The following ARHGAP39 variants were observed in gnomAD, a reference collection of about 807,000 sequenced individuals.
ARHGAP39 encodes Rho GTPase activating protein 39.
A neutral mutation model predicts 106.9 loss-of-function variants in ARHGAP39; 44 were observed. The observed-to-expected ratio is 0.41, with a 90% CI of 0.32 to 0.53. The LOEUF is 0.53. Among genes scored for constraint, ARHGAP39 ranks in the 20% least tolerant of loss-of-function variants. The probability of loss-of-function intolerance (pLI) is 0.21; values close to 1 mark genes in which losing one functional copy is unlikely to be tolerated. For missense variants in ARHGAP39, 1,496 were observed against 1,577.3 expected (o/e 0.95, Z 0.87); for synonymous variants, 768 against 693.2 (o/e 1.11, Z -1.69).
intron 7 of ARHGAP39, among the ~76,000 whole-genome samples, chr8:144,535,237 A>G (rs936717851): frequency 1.3e-5 from 2 of 152,194 alleles, no homozygotes; most frequent in Non-Finnish European, 2.9e-5. Flanking sequence ...AAAAAAGTGC[A>G]CACGTGTCTT....
At chr8:144,668,557 T>G (rs1270467764) in intron 1 of ARHGAP39, among the ~76,000 whole-genome samples, 2 of 152,094 alleles carry the variant, frequency 1.3e-5, no homozygotes, top group Non-Finnish European at 2.9e-5. Context: ...ACAATTCCAT[T>G]TAGAATAACA....
rs1322899880 is a variant in ARHGAP39, at chr8:144,529,205, C to T, written c.*1217G>A. 4 of 310,456 alleles carry T rather than the reference C, an allele frequency of 1.3e-5. No individual in the cohort carries two copies. In the South Asian group the frequency reaches 2.8e-4, roughly 22 times the overall value. The allele number at this position is 310,456 out of a possible 1,614,324, so 19.2% of individuals were successfully genotyped here. On this transcript the variant is annotated 3_prime_UTR_variant, in exon 12 of 12. Coordinates refer to ENST00000377307, the MANE Select transcript of ARHGAP39 (RefSeq NM_025251.3). Reference sequence around the variant, plus strand: ...AGGGTCCATGTGCACTTTATTCACTCGTGTCGTCGCCTCTCGGGTCCATGC... The same window carrying T: ...AGGGTCCATGTGCACTTTATTCACTTGTGTCGTCGCCTCTCGGGTCCATGC...
intron 4 of ARHGAP39, among the ~76,000 whole-genome samples, chr8:144,552,582 T>TG (rs1169272074): frequency 7.9e-5 from 12 of 152,228 alleles, no homozygotes; most frequent in Admixed American, 6.5e-5. Flanking sequence ...GGCCTGACCC[T>TG]GCCAGGCTGC....
chr8:144,591,429 C>A lies in ARHGAP39; in HGVS notation c.81-10152G>T, dbSNP rs1819390415. ...GGGGGACCAAAGGTAGCAGGGCCAC[C>A]GTGAAGGGCCTGAGGCCTGGGCTGA... On this transcript the variant is annotated intron_variant, in intron 2 of 11. Transcript: ENST00000377307. This position sits in a 1 kb window ranked among gnomAD's most constrained non-coding sequence, Gnocchi z 5.3. Among the ~76,000 whole-genome samples the A allele has an allele frequency of 2.6e-5, 4 of 152,272 alleles. No homozygotes were observed. Among genetic ancestry groups the A allele is most frequent in the Admixed American group, 2.6e-4 (4 of 15,304 alleles).
intron 1 of ARHGAP39, among the ~76,000 whole-genome samples, chr8:144,685,380 C>T (rs1331324168): frequency 1.3e-5 from 2 of 151,688 alleles, no homozygotes; most frequent in African/African-American, 4.8e-5. Context: ...GGGCCGGGCA[C>T]ACGCGAACTC....
At chr8:144,551,544 G>A (rs1817690649) in intron 4 of ARHGAP39, among the ~76,000 whole-genome samples, 1 of 152,192 alleles carries the variant, frequency 6.6e-6, no homozygotes, top group East Asian at 1.9e-4. Flanking sequence ...CACAGATACA[G>A]TGGCAGCTAG....
In ARHGAP39 at chr8:144,670,175, C is replaced by T. The variant is rs1450937992; in HGVS notation, c.-82+15511G>A. 6.6e-6 allele frequency among the ~76,000 whole-genome samples: 1 copy of T among 152,026 alleles called. No individual in the cohort carries two copies. Among genetic ancestry groups the T allele is most frequent in the South Asian group, 2.1e-4 (1 of 4,806 alleles). ...CGGGAAGCAGGATCAGGGCCTGGGA[C>T]CAGGCGGCTGTAAAAAGCAACAGAG... On this transcript the variant is annotated intron_variant, in intron 1 of 11. Transcript: ENST00000377307. This position sits in a 1 kb window ranked among gnomAD's most constrained non-coding sequence, Gnocchi z 4.4.
intron 1 of ARHGAP39, among the ~76,000 whole-genome samples, chr8:144,627,644 G>C (rs1383797990): frequency 6.6e-6 from 1 of 151,894 alleles, no homozygotes; most frequent in Non-Finnish European, 1.5e-5. Flanking sequence ...CTTGGTCCCA[G>C]CACTTTGGGA....
rs560407501 is a variant in ARHGAP39 at position 144,601,622 on chromosome 8, G to C, written c.80+3913C>G. On this transcript the variant is annotated intron_variant, in intron 2 of 11. Coordinates refer to ENST00000377307, the MANE Select transcript of ARHGAP39 (RefSeq NM_025251.3). ...CGAGCTCATGTATCTGTGTGTGCAT[G>C]GAGGCGTGCATGTGTGCTCGTGTAC... is the stretch of plus-strand genomic sequence containing the variant. Among the ~76,000 whole-genome samples, 92 of 145,226 alleles carry C rather than the reference G, an allele frequency of 6.3e-4. 1 individual carries two copies. In the South Asian group the frequency reaches 0.021, roughly 32 times the overall value.
chr8:144,664,849 G>A (rs1418068926), intron 1 of ARHGAP39, among the ~76,000 whole-genome samples: 1 of 152,178 alleles, frequency 6.6e-6, no homozygotes, highest in African/African-American at 2.4e-5. Flanking sequence ...CTGGCAGCAT[G>A]AAAATGGACT....
chr8:144,595,531 T>C (rs775741223), intron 2 of ARHGAP39, among the ~76,000 whole-genome samples: 5 of 152,116 alleles, frequency 3.3e-5, no homozygotes, highest in African/African-American at 4.8e-5. Context: ...AGGGTGAGCT[T>C]TGTGGCATGT....
chr8:144,652,218 C>T (rs1470307608), intron 1 of ARHGAP39, among the ~76,000 whole-genome samples: 1 of 150,530 alleles, frequency 6.6e-6, no homozygotes, highest in African/African-American at 2.4e-5. Flanking sequence ...GACCCCGTCT[C>T]AAAAATAAAT....
At chr8:144,661,635 C>G (rs1253090785) in intron 1 of ARHGAP39, among the ~76,000 whole-genome samples, 1 of 152,162 alleles carries the variant, frequency 6.6e-6, no homozygotes, top group East Asian at 1.9e-4. Context: ...ATCTGCCCGC[C>G]TCAGCCTCCC....
chr8:144,619,727 C>T (rs2976602), intron 1 of ARHGAP39, among the ~76,000 whole-genome samples: 57,076 of 146,872 alleles, frequency 0.39, 12,120 homozygotes, highest in South Asian at 0.48. Context: ...CATATGTGTC[C>T]GTGTGCGTGT....
At position 144,547,811 on chromosome 8, in the gene ARHGAP39, A is replaced by G; in HGVS notation, c.1275T>C (p.Gly425=). The G allele has an allele frequency of 6.3e-7, 1 of 1,592,172 alleles. No individual in the cohort carries two copies. Among genetic ancestry groups the G allele is most frequent in the East Asian group, 2.3e-5 (1 of 44,082 alleles). Residue 425 remains glycine (G), a synonymous_variant, in exon 5 of 12, where the codon GGT becomes GGC. Coordinates refer to ENST00000377307, the MANE Select transcript of ARHGAP39 (RefSeq NM_025251.3). The surrounding 1 kb of genome is among the most constrained non-coding windows in gnomAD (Gnocchi z 5.2). ...RHKYAPNPGG[G]SYSLQPSPCL... Reference sequence around the variant, plus strand: ...AGGGGCTGGGCTGCAAGGAGTACGAACCACCGCCGGGGTTGGGCGCGTACT... The same window carrying G: ...AGGGGCTGGGCTGCAAGGAGTACGAGCCACCGCCGGGGTTGGGCGCGTACT...
chr8:144,698,635 T>G, the ARHGAP39 span: 1 of 284,614 alleles, frequency 3.5e-6, no homozygotes, highest in Non-Finnish European at 7.0e-6. Flanking sequence ...TTAATTCAAG[T>G]TTTCTACTTT....
chr8:144,620,565 G>T lies in ARHGAP39; in HGVS notation c.-81-14870C>A, dbSNP rs566898033. Among the ~76,000 whole-genome samples the T allele has an allele frequency of 5.9e-5, 9 of 152,028 alleles. No homozygotes were observed. In the South Asian group the frequency reaches 1.9e-3, roughly 32 times the overall value. ...CATATATGCCCGTGTGCGTGAGCTT[G>T]TGTGTCCATGAGAGCATGTGTGCCC... is the stretch of plus-strand genomic sequence containing the variant. On this transcript the variant is annotated intron_variant, in intron 1 of 11. Transcript: ENST00000377307.
the ARHGAP39 span, among the ~76,000 whole-genome samples, chr8:144,691,155 C>A: frequency 6.6e-6 from 1 of 152,168 alleles, no homozygotes. Context: ...GCTCAGGACA[C>A]TTCCTCAACT....
chr8:144,668,569 C>T (rs1822020077), intron 1 of ARHGAP39, among the ~76,000 whole-genome samples: 2 of 152,076 alleles, frequency 1.3e-5, no homozygotes, highest in African/African-American at 4.8e-5. Flanking sequence ...AGAATAACAT[C>T]AGAAGGAGTA....
Sources: allele counts gnomAD v4.1 joint callset (sites outside exome capture counted in the v4.1 genomes callset), GRCh38; gene constraint gnomAD v4.1.1; non-coding constraint Gnocchi (gnomAD v3.1); transcripts MANE v1.5; gene names NCBI Gene and HGNC (gene_info 2026-07-23, HGNC 2026-07-21).